Variants in TMEM117 observed in about 807,000 individuals in gnomAD.
TMEM117 encodes the protein transmembrane protein 117.
A neutral mutation model predicts 52.4 loss-of-function variants in TMEM117; 27 were observed. That is an observed-to-expected ratio of 0.51 (90% CI 0.38 to 0.71). The LOEUF (loss-of-function observed/expected upper bound fraction) is 0.71, where lower values mean the gene tolerates loss of function less well. TMEM117 is among the 30% of genes least tolerant of loss of function. The pLI is 0.00. For missense variants in TMEM117, 556 were observed against 630.5 expected (o/e 0.88, Z 1.26); for synonymous variants, 215 against 206.3 (o/e 1.04, Z -0.36).
the TMEM117 span, among the ~76,000 whole-genome samples, chr12:43,819,009 T>C: frequency 6.6e-6 from 1 of 152,208 alleles, no homozygotes; most frequent in Non-Finnish European, 1.5e-5. Context: ...CATGATGTGA[T>C]GCATAGATTG....
At chr12:44,057,124 A>G (rs977434499) in intron 3 of TMEM117, among the ~76,000 whole-genome samples, 1 of 152,192 alleles carries the variant, frequency 6.6e-6, no homozygotes, top group Non-Finnish European at 1.5e-5. Flanking sequence ...TTTTACTTTG[A>G]GGTGTTGAAT....
intron 2 of TMEM117, among the ~76,000 whole-genome samples, chr12:43,846,633 G>A (rs1273362072): frequency 6.6e-6 from 1 of 152,204 alleles, no homozygotes; most frequent in Non-Finnish European, 1.5e-5. Context: ...CTACAGGAGA[G>A]AGAAAGACTA....
At position 43,914,354 on chromosome 12, in the gene TMEM117, C is replaced by G. The variant is rs543110494; in HGVS notation, c.278-29856C>G. On this transcript the variant is annotated intron_variant, in intron 2 of 7. Coordinates refer to ENST00000266534, the MANE Select transcript of TMEM117 (RefSeq NM_032256.3). ...CTAAGAAACTTAGCTCTAATGAACCCGCTCCTCAGTCTTCCCCTAGATTGT... is the reference window on the plus strand; with the variant it reads ...CTAAGAAACTTAGCTCTAATGAACCGGCTCCTCAGTCTTCCCCTAGATTGT... 6.6e-5 allele frequency among the ~76,000 whole-genome samples: 10 copies of G among 152,232 alleles called. No homozygotes were observed. In the South Asian group the frequency reaches 1.9e-3, roughly 28 times the overall value.
the TMEM117 span, chr12:43,805,957 C>A: frequency 4.7e-5 from 73 of 1,542,138 alleles, no homozygotes; most frequent in African/African-American, 5.9e-4. Flanking sequence ...TCAACCAGGC[C>A]GCCTCGAAAG....
chr12:44,390,872 A>G (rs554712359), downstream of TMEM117, among the ~76,000 whole-genome samples: 1 of 152,244 alleles, frequency 6.6e-6, no homozygotes, highest in East Asian at 1.9e-4. Flanking sequence ...TAAACTAAAA[A>G]TTAAATCCAT....
intron 5 of TMEM117, among the ~76,000 whole-genome samples, chr12:44,212,501 A>C (rs1029248375): frequency 6.6e-6 from 1 of 152,166 alleles, no homozygotes; most frequent in Admixed American, 6.6e-5. Context: ...CTTAATAAGG[A>C]AAGAAAAAAG....
intron 5 of TMEM117, among the ~76,000 whole-genome samples, chr12:44,231,091 T>C (rs528454301): frequency 6.6e-6 from 1 of 152,080 alleles, no homozygotes; most frequent in South Asian, 2.1e-4. Flanking sequence ...TTCTCTTTTA[T>C]ATTACATTCT....
intron 2 of TMEM117, among the ~76,000 whole-genome samples, chr12:43,907,885 G>C (rs1424358631): frequency 9.0e-6 from 1 of 110,850 alleles, no homozygotes; most frequent in Non-Finnish European, 2.0e-5. Context: ...GTACCCAAAA[G>C]TGACGGGGAG....
intron 6 of TMEM117, among the ~76,000 whole-genome samples, chr12:44,339,671 C>G (rs1336370477): frequency 6.6e-6 from 1 of 151,734 alleles, no homozygotes; most frequent in Non-Finnish European, 1.5e-5. Flanking sequence ...AAAAAAGATA[C>G]AATAGCTGGC....
chr12:44,114,085 A>G (rs567162243), intron 3 of TMEM117, among the ~76,000 whole-genome samples: 2 of 147,922 alleles, frequency 1.4e-5, no homozygotes, highest in African/African-American at 2.5e-5. Flanking sequence ...GTGCGCACAC[A>G]CACTGGCCTG....
intron 3 of TMEM117, among the ~76,000 whole-genome samples, chr12:44,024,713 C>T (rs1946505411): frequency 6.6e-6 from 1 of 151,862 alleles, no homozygotes; most frequent in Non-Finnish European, 1.5e-5. Context: ...CAAATTTACC[C>T]AAACGTTTCA....
intron 2 of TMEM117, among the ~76,000 whole-genome samples, chr12:43,885,302 G>T (rs1943971742): frequency 6.6e-6 from 1 of 152,062 alleles, no homozygotes; most frequent in Non-Finnish European, 1.5e-5. Flanking sequence ...GCCTGTGTAG[G>T]CTTGTTGTCA....
intron 3 of TMEM117, chr12:44,083,759 A>G (rs1389832589): frequency 6.6e-6 from 1 of 151,954 alleles, no homozygotes; most frequent in Non-Finnish European, 1.5e-5. Context: ...TTGTGGTCTT[A>G]ATTTTCATTT....
rs79690928 is a variant in TMEM117 at position 44,217,847 on chromosome 12, T to C, written c.608+6460T>C. On this transcript the variant is annotated intron_variant, in intron 5 of 7. Coordinates refer to ENST00000266534, the MANE Select transcript of TMEM117 (RefSeq NM_032256.3). Reference sequence around the variant, plus strand: ...ATTTGTTCATATTGATATCTTTCAATTGTGTTAGTCCTTCTGGGAATGTAA... The same window carrying C: ...ATTTGTTCATATTGATATCTTTCAACTGTGTTAGTCCTTCTGGGAATGTAA... 3.9e-5 allele frequency among the ~76,000 whole-genome samples: 6 copies of C among 152,334 alleles called. No homozygotes were observed. The East Asian group carries it at 1.2e-3, about 29-fold the overall frequency.
At chr12:44,299,830 A>C in intron 6 of TMEM117, 91 bp downstream of exon 6, 2 of 1,453,228 alleles carry the variant, frequency 1.4e-6, no homozygotes, top group Non-Finnish European at 9.4e-7. Context: ...CATAAATCTA[A>C]ATAAGTACAG....
In TMEM117 at chr12:44,275,752, A is replaced by G. The variant is rs554057506; in HGVS notation, c.609-23828A>G. 2.6e-5 allele frequency among the ~76,000 whole-genome samples: 4 copies of G among 152,080 alleles called. No individual in the cohort carries two copies. The East Asian group carries it at 7.7e-4, about 29-fold the overall frequency. ...TTTTTGGGATCCAAAAATCAAAACAATTGAACTCATGGACATAGAGAGTAG... is the reference window on the plus strand; with the variant it reads ...TTTTTGGGATCCAAAAATCAAAACAGTTGAACTCATGGACATAGAGAGTAG... On this transcript the variant is annotated intron_variant, in intron 5 of 7. Coordinates refer to ENST00000266534, the MANE Select transcript of TMEM117 (RefSeq NM_032256.3).
At chr12:43,946,378 G>GTTTTTTTTTTTTTTTTTTTTTTT (rs1244597058) in intron 3 of TMEM117, among the ~76,000 whole-genome samples, 6 of 113,494 alleles carry the variant, frequency 5.3e-5, no homozygotes, top group African/African-American at 7.8e-5. Flanking sequence ...ATATAATTCT[G>GTTTTTTTTTTTTTTTTTTTTTTT]TTTTTTTTTT....
intron 3 of TMEM117, among the ~76,000 whole-genome samples, chr12:44,129,430 GTC>G (rs1490906446): frequency 3.9e-5 from 6 of 151,904 alleles, no homozygotes; most frequent in African/African-American, 1.5e-4. Context: ...GCATGTCAGT[GTC>G]TTGCAGAGCT....
At chr12:44,102,000 TA>T (rs1296047523) in intron 3 of TMEM117, among the ~76,000 whole-genome samples, 31 of 152,194 alleles carry the variant, frequency 2.0e-4, no homozygotes, top group Admixed American at 5.9e-4. Flanking sequence ...TTCTTGTTTT[TA>T]GATCACTTTG....
Sources: allele counts gnomAD v4.1 joint callset (sites outside exome capture counted in the v4.1 genomes callset), GRCh38; gene constraint gnomAD v4.1.1; transcripts MANE v1.5; gene names NCBI Gene and HGNC (gene_info 2026-07-23, HGNC 2026-07-21).